The following PIAS1 variants were observed in gnomAD, a reference collection of about 807,000 sequenced individuals.
The protein encoded by PIAS1 is E3 SUMO-protein ligase PIAS1.
A neutral mutation model predicts 71.3 loss-of-function variants in PIAS1; 6 were observed. That is an observed-to-expected ratio of 0.08 (90% CI 0.05 to 0.17). The LOEUF (loss-of-function observed/expected upper bound fraction) is 0.17, where lower values mean the gene tolerates loss of function less well. Ranked by LOEUF, PIAS1 falls within the 10% of genes least tolerant of loss-of-function variation. PIAS1 has a pLI of 1.00. For missense variants in PIAS1, 555 were observed against 793.6 expected (o/e 0.70, Z 3.61); for synonymous variants, 303 against 292.9 (o/e 1.03, Z -0.35).
At chr15:68,059,709 CAAAAAAAA>C (rs770069635) in intron 1 of PIAS1, among the ~76,000 whole-genome samples, 3 of 76,478 alleles carry the variant, frequency 3.9e-5, no homozygotes, top group African/African-American at 1.5e-4. Flanking sequence ...CCGTCTCAAA[CAAAAAAAA>C]AAAAAAAAAA....
In PIAS1 at chr15:68,174,344, TC is replaced by T. The variant is rs1221542367; in HGVS notation, c.1169+453del. ...CCACCTTCAGTCATGGTCTTCTTTT[TC>T]TTTTTTGTCTTGCCCACCTATAGCA... On this transcript the variant is annotated intron_variant, in intron 9 of 13. Transcript: ENST00000249636. The surrounding 1 kb of genome is among the most constrained non-coding windows in gnomAD (Gnocchi z 4.0). Among the ~76,000 whole-genome samples, 2 of 152,246 alleles carry T rather than the reference TC, an allele frequency of 1.3e-5. No individual in the cohort carries two copies. Among genetic ancestry groups the T allele is most frequent in the Non-Finnish European group, 2.9e-5 (2 of 68,046 alleles).
intron 9 of PIAS1, among the ~76,000 whole-genome samples, chr15:68,175,190 T>A (rs1249351271): frequency 6.6e-6 from 1 of 152,258 alleles, no homozygotes; most frequent in Non-Finnish European, 1.5e-5. Context: ...TACATGTTTT[T>A]AAATGTCTGT....
chr15:68,083,823 G>A (rs141449656), intron 1 of PIAS1, among the ~76,000 whole-genome samples: 3 of 150,444 alleles, frequency 2.0e-5, no homozygotes, highest in African/African-American at 7.3e-5. Flanking sequence ...CTTGAGCCTA[G>A]GTGTTTGAGA....
intron 7 of PIAS1, among the ~76,000 whole-genome samples, chr15:68,156,668 C>A (rs773523772): frequency 6.7e-6 from 1 of 148,906 alleles, no homozygotes; most frequent in Non-Finnish European, 1.5e-5. Flanking sequence ...GAGATCGCAC[C>A]ACTGCACTCC....
At chr15:68,071,972 G>GATT (rs1434069900) in intron 1 of PIAS1, among the ~76,000 whole-genome samples, 1 of 151,564 alleles carries the variant, frequency 6.6e-6, no homozygotes, top group East Asian at 1.9e-4. Flanking sequence ...TAAAAAAGGT[G>GATT]ATTACTGGGA....
At chr15:68,165,181 GT>G in intron 8 of PIAS1, among the ~76,000 whole-genome samples, 2 of 152,098 alleles carry the variant, frequency 1.3e-5, no homozygotes, top group African/African-American at 2.4e-5. Flanking sequence ...GAGTGCAATG[GT>G]GCCATCTCGG....
intron 12 of PIAS1, among the ~76,000 whole-genome samples, chr15:68,182,490 C>CGTGTGTGTGTGCGTGT (rs1555434693): frequency 8.1e-6 from 1 of 123,280 alleles, no homozygotes; most frequent in African/African-American, 3.2e-5. Flanking sequence ...GCTCAGGCTG[C>CGTGTGTGTGTGCGTGT]GTGTGTGTGT....
At chr15:68,124,979 C>G (rs1303855045) in intron 2 of PIAS1, among the ~76,000 whole-genome samples, 1 of 152,220 alleles carries the variant, frequency 6.6e-6, no homozygotes, top group Non-Finnish European at 1.5e-5. Context: ...TTATTTGCCA[C>G]TCCTACCGTA....
chr15:68,182,587 A>AT (rs1240615035), intron 12 of PIAS1, among the ~76,000 whole-genome samples: 2 of 151,226 alleles, frequency 1.3e-5, no homozygotes, highest in African/African-American at 4.9e-5. Flanking sequence ...CGCCTGGCTA[A>AT]TTTTGTATTT....
intron 5 of PIAS1, 79 bp from the exon 6 acceptor site, chr15:68,146,487 A>AG: frequency 2.0e-6 from 2 of 1,007,376 alleles, no homozygotes; most frequent in Non-Finnish European, 3.0e-6. Flanking sequence ...TGCAGTTTGT[A>AG]GGGGGTTTTT....
intron 1 of PIAS1, among the ~76,000 whole-genome samples, chr15:68,063,200 T>G (rs2091980095): frequency 6.6e-6 from 1 of 152,218 alleles, no homozygotes; most frequent in Admixed American, 6.5e-5. Flanking sequence ...CAATTCATTT[T>G]GTATTTGGGT....
At chr15:68,145,685 A>C in intron 4 of PIAS1, 131 bp from the exon 5 acceptor site, 1 of 603,032 alleles carries the variant, frequency 1.7e-6, no homozygotes, top group South Asian at 2.1e-5. Flanking sequence ...ATAGGGTGAA[A>C]AGTCCAGTTT....
chr15:68,065,354 C>G (rs1440218146), intron 1 of PIAS1, among the ~76,000 whole-genome samples: 1 of 151,930 alleles, frequency 6.6e-6, no homozygotes, highest in Non-Finnish European at 1.5e-5. Flanking sequence ...TTGGGGGAGA[C>G]CTAGGCAGGC....
chr15:68,172,723 G>A (rs1038074193), intron 8 of PIAS1, among the ~76,000 whole-genome samples: 2 of 152,260 alleles, frequency 1.3e-5, no homozygotes, highest in African/African-American at 2.4e-5. Flanking sequence ...TCCAGGGAAT[G>A]AGATAGTGAT....
At chr15:68,068,842 G>T (rs1466059481) in intron 1 of PIAS1, among the ~76,000 whole-genome samples, 1 of 151,270 alleles carries the variant, frequency 6.6e-6, no homozygotes. Flanking sequence ...GAAAAGTCCA[G>T]CTTTTTGGCA....
At chr15:68,118,206 A>G (rs2092581666) in intron 2 of PIAS1, among the ~76,000 whole-genome samples, 1 of 152,186 alleles carries the variant, frequency 6.6e-6, no homozygotes. Context: ...CTGTAGTCCC[A>G]GCTACTCTGG....
intron 6 of PIAS1, among the ~76,000 whole-genome samples, chr15:68,152,861 G>C (rs900958429): frequency 1.3e-5 from 2 of 148,246 alleles, no homozygotes; most frequent in African/African-American, 5.0e-5. Context: ...CTTAGTCTTA[G>C]CTTGTTGATT....
chr15:68,076,568 A>G (rs2140971901), intron 1 of PIAS1, among the ~76,000 whole-genome samples: 1 of 152,308 alleles, frequency 6.6e-6, no homozygotes, highest in Admixed American at 6.5e-5. Flanking sequence ...TTAATCGCAA[A>G]TAGTTGAATA....
At position 68,186,439 on chromosome 15, in the gene PIAS1, A is replaced by C. The variant is rs904351188; in HGVS notation, c.1663-1103A>C. On this transcript the variant is annotated intron_variant, in intron 13 of 13. Transcript: ENST00000249636. The surrounding 1 kb of genome is among the most constrained non-coding windows in gnomAD (Gnocchi z 4.4). ...GTACAATGTACTTGTGTTTTAAATT[A>C]AGTGTTACAAGAGTCAAAGTTTTAA... Among the ~76,000 whole-genome samples, 1 of 152,252 alleles carries C rather than the reference A, an allele frequency of 6.6e-6. No homozygotes were observed. The highest frequency in any genetic ancestry group is 6.5e-5 in the Admixed American group (1 of 15,290).
Sources: gnomAD v4.1 joint callset for allele counts (sites outside exome capture counted in the v4.1 genomes callset) on GRCh38, gnomAD v4.1.1 for gene constraint, Gnocchi (gnomAD v3.1) non-coding constraint, MANE v1.5 for transcripts, NCBI Gene and HGNC (gene_info 2026-07-23, HGNC 2026-07-21) for gene names.